DNM2: variants seen among roughly 807,000 people sequenced by gnomAD.
The protein encoded by DNM2 is dynamin 2, also known as dynamin-2.
DNM2 carries 15 observed loss-of-function variants against 99.0 expected under a neutral mutation model. The observed-to-expected ratio is 0.15, with a 90% CI of 0.10 to 0.23. The LOEUF (loss-of-function observed/expected upper bound fraction) is 0.23, where lower values mean the gene tolerates loss of function less well. Among genes scored for constraint, DNM2 ranks in the 10% least tolerant of loss-of-function variants. The pLI is 1.00. For missense variants in DNM2, 742 were observed against 1,189.4 expected (o/e 0.62, Z 5.53); for synonymous variants, 525 against 481.2 (o/e 1.09, Z -1.19).
chr19:10,736,667 G>A, intron 1 of DNM2, among the ~76,000 whole-genome samples: 1 of 152,098 alleles, frequency 6.6e-6, no homozygotes, highest in East Asian at 1.9e-4. Context: ...TGTGCCAATA[G>A]TGTTGGGATT....
chr19:10,772,722 C>A lies in DNM2; in HGVS notation c.385+94C>A. Reference sequence around the variant, plus strand: ...CCTGTGTACTTCCACTCATGGGTATCATGTGCCCATTCACAAACAGTTGAT... The same window carrying A: ...CCTGTGTACTTCCACTCATGGGTATAATGTGCCCATTCACAAACAGTTGAT... On this transcript the variant is annotated intron_variant, in intron 3 of 20. Coordinates refer to ENST00000389253, the MANE Select transcript of DNM2 (RefSeq NM_001005361.3). This position sits in a 1 kb window ranked among gnomAD's most constrained non-coding sequence, Gnocchi z 4.9. 6.4e-7 allele frequency: 1 copy of A among 1,560,750 alleles called. No individual in the cohort carries two copies. Among genetic ancestry groups the A allele is most frequent in the South Asian group, 1.1e-5 (1 of 87,978 alleles).
chr19:10,827,176 G>A (rs2073168693), intron 18 of DNM2, among the ~76,000 whole-genome samples: 1 of 152,142 alleles, frequency 6.6e-6, no homozygotes, highest in Admixed American at 6.6e-5. Context: ...GTTTCATGGT[G>A]TCCTGGTATG....
At chr19:10,784,667 CG>C (rs569870260) in intron 6 of DNM2, among the ~76,000 whole-genome samples, 5 of 152,138 alleles carry the variant, frequency 3.3e-5, no homozygotes, top group Non-Finnish European at 7.4e-5. Flanking sequence ...CCCACATAGA[CG>C]GGGGTCGATG....
Position 10,784,246 on chromosome 19 carries a change from T to C in DNM2, c.849+1126T>C, listed in dbSNP as rs873015. 0.035 allele frequency among the ~76,000 whole-genome samples: 5,324 copies of C among 151,880 alleles called. 419 individuals carry two copies. In the East Asian group the frequency reaches 0.35, roughly 10 times the overall value. The stretch of plus-strand genomic sequence containing the variant: ...GTCCTTGTAGAAGGCATAATTCTAA[T>C]GGGGGAGACTGACACCCAACAAACC... On this transcript the variant is annotated intron_variant, in intron 6 of 20. Transcript: ENST00000389253.
At chr19:10,824,842 C>T (rs2073091216) in intron 17 of DNM2, 4 of 661,988 alleles carry the variant, frequency 6.0e-6, no homozygotes, top group Non-Finnish European at 5.2e-6. Flanking sequence ...CGTTCCAATG[C>T]CCAGGTGAGG....
chr19:10,777,165 G>T lies in DNM2; in HGVS notation c.637G>T (p.Gly213Cys), dbSNP rs767908123. ...CACCAAGCTTGACCTGATGGACGAGGGCACCGACGCCAGGGACGTCTTGGA... is the reference window on the plus strand; with the variant it reads ...CACCAAGCTTGACCTGATGGACGAGTGCACCGACGCCAGGGACGTCTTGGA... ...VITKLDLMDEGTDARDVLENK... is the reference protein window; with the variant it reads ...VITKLDLMDECTDARDVLENK... Residue 213 changes from glycine (G) to cysteine (C), a missense_variant, in exon 5 of 21, where the codon GGC becomes TGC. Physicochemically the swap from Gly to Cys is radical, Grantham distance 159. Transcript: ENST00000389253. The T allele has an allele frequency of 7.4e-6, 12 of 1,614,090 alleles. No individual in the cohort carries two copies. The East Asian group carries it at 2.2e-4, about 30-fold the overall frequency.
intron 1 of DNM2, among the ~76,000 whole-genome samples, chr19:10,744,801 C>G (rs1272071229): frequency 3.3e-5 from 5 of 152,146 alleles, no homozygotes; most frequent in Admixed American, 3.3e-4. Flanking sequence ...CTGGCACTCA[C>G]CAGGCTGGCT....
chr19:10,807,152 A>T (rs1011982666), intron 13 of DNM2, among the ~76,000 whole-genome samples: 3 of 152,268 alleles, frequency 2.0e-5, no homozygotes, highest in Non-Finnish European at 4.4e-5. Flanking sequence ...GGCTCACTGC[A>T]ACCTCTGCCT....
In DNM2 at chr19:10,824,225, C is replaced by T. The variant is rs118030714; in HGVS notation, c.1893+326C>T. ...CAATATTAAAATGCCTTGCCGGGCA[C>T]GGTGGGTGGTTCGCCCCTGTAATCC... On this transcript the variant is annotated intron_variant, in intron 17 of 20. Coordinates refer to ENST00000389253, the MANE Select transcript of DNM2 (RefSeq NM_001005361.3). 1,420 of 369,782 alleles carry T rather than the reference C, an allele frequency of 3.8e-3. 3 individuals are homozygous for T. The highest frequency in any genetic ancestry group is 5.9e-3 in the Non-Finnish European group (1,137 of 191,682). The allele number at this position is 369,782 out of a possible 1,614,324, so 22.9% of individuals were successfully genotyped here.
At chr19:10,822,115 C>T (rs1235219313) in intron 16 of DNM2, among the ~76,000 whole-genome samples, 1 of 152,142 alleles carries the variant, frequency 6.6e-6, no homozygotes, top group Non-Finnish European at 1.5e-5. Flanking sequence ...CCACCATCTG[C>T]AAGCACTGTT....
At chr19:10,730,476 C>CT (rs2069275366) in intron 1 of DNM2, among the ~76,000 whole-genome samples, 1 of 145,762 alleles carries the variant, frequency 6.9e-6, no homozygotes, top group Admixed American at 6.9e-5. Context: ...GAGACCCTGT[C>CT]TCAAAAAAAA....
chr19:10,790,570 G>A (rs570903848), intron 7 of DNM2, among the ~76,000 whole-genome samples: 19 of 152,060 alleles, frequency 1.2e-4, no homozygotes, highest in South Asian at 4.1e-4. Context: ...AGGTTCAAGC[G>A]ATTCTCCTGT....
chr19:10,774,238 G>A (rs1019038310), intron 3 of DNM2, among the ~76,000 whole-genome samples: 68 of 152,166 alleles, frequency 4.5e-4, no homozygotes, highest in Non-Finnish European at 8.8e-5. Context: ...CCAGGAAGTC[G>A]AGGTTGCAGT....
chr19:10,802,448 G>C, intron 12 of DNM2, 90 bp downstream of exon 12: 1 of 1,425,816 alleles, frequency 7.0e-7, no homozygotes, highest in Non-Finnish European at 9.9e-7. Context: ...CTCTGAGAGG[G>C]CAGGTGTCAG....
intron 1 of DNM2, among the ~76,000 whole-genome samples, chr19:10,723,253 C>T (rs2069001859): frequency 6.6e-6 from 1 of 152,048 alleles, no homozygotes; most frequent in Non-Finnish European, 1.5e-5. Flanking sequence ...CCTGCCTCAG[C>T]CTCCTGAGTA....
At chr19:10,779,490 C>CTT (rs1156443374) in intron 5 of DNM2, among the ~76,000 whole-genome samples, 1 of 77,036 alleles carries the variant, frequency 1.3e-5, no homozygotes, top group African/African-American at 5.0e-5. Flanking sequence ...TTCTTTCTTT[C>CTT]TTTCTTTCTT....
In DNM2 at chr19:10,825,452, C is replaced by T. The variant is rs550661002; in HGVS notation, c.2058+231C>T. Among the ~76,000 whole-genome samples the T allele has an allele frequency of 2.0e-5, 3 of 152,224 alleles. No individual in the cohort carries two copies. The East Asian group carries it at 5.8e-4, about 29-fold the overall frequency. Reference sequence around the variant, plus strand: ...TTGCGAGGCCAAGGCGGGCGGATCACGAGCTAAGGAGTTCGAGACTAGACT... The same window carrying T: ...TTGCGAGGCCAAGGCGGGCGGATCATGAGCTAAGGAGTTCGAGACTAGACT... On this transcript the variant is annotated intron_variant, in intron 18 of 20. Transcript: ENST00000389253.
intron 7 of DNM2, among the ~76,000 whole-genome samples, chr19:10,791,437 C>A (rs1240348491): frequency 6.6e-6 from 1 of 152,158 alleles, no homozygotes; most frequent in Non-Finnish European, 1.5e-5. Context: ...ATGAGCACAC[C>A]CTGTGATATT....
Position 10,830,572 on chromosome 19 carries a change from A to G in DNM2, c.2543+194A>G. Reference sequence around the variant, plus strand: ...CTTGTTCAGTGTCACAGAGTAGCGGAGCCCTGGTGACTCCGGGGCTCCCAG... The same window carrying G: ...CTTGTTCAGTGTCACAGAGTAGCGGGGCCCTGGTGACTCCGGGGCTCCCAG... On this transcript the variant is annotated intron_variant, in intron 20 of 20. Coordinates refer to ENST00000389253, the MANE Select transcript of DNM2 (RefSeq NM_001005361.3). This position sits in a 1 kb window ranked among gnomAD's most constrained non-coding sequence, Gnocchi z 4.8. The G allele has an allele frequency of 1.4e-6, 1 of 707,500 alleles. No homozygotes were observed. The highest frequency in any genetic ancestry group is 1.9e-5 in the South Asian group (1 of 52,202). 43.8% of individuals were successfully genotyped at this position (707,500 alleles called of 1,614,324 possible).
Sources: allele counts gnomAD v4.1 joint callset (sites outside exome capture counted in the v4.1 genomes callset), GRCh38; gene constraint gnomAD v4.1.1; non-coding constraint Gnocchi (gnomAD v3.1); transcripts MANE v1.5; gene names NCBI Gene and HGNC (gene_info 2026-07-23, HGNC 2026-07-21).